Variants in ANK3 observed in about 807,000 individuals in gnomAD.
ANK3 encodes the protein ankyrin 3, also known as ankyrin-3.
In ANK3, 57 loss-of-function variants were observed where a neutral mutation model predicts 370.9. That is an observed-to-expected ratio of 0.15 (90% confidence interval 0.12 to 0.19). The LOEUF is 0.19. ANK3 is among the 10% of genes least tolerant of loss of function. The pLI is 1.00. For synonymous variants in ANK3, 1,929 were observed against 1,946.3 expected (o/e 0.99, Z 0.23); for missense variants, 4,439 against 5,302.1 (o/e 0.84, Z 5.06).
intron 35 of ANK3, among the ~76,000 whole-genome samples, chr10:60,081,204 C>T (rs962097095): frequency 2.0e-5 from 3 of 152,288 alleles, no homozygotes; most frequent in East Asian, 3.9e-4. Context: ...TCTGCCTCAG[C>T]CTCCTGAGTA....
Position 60,086,739 on chromosome 10 carries a change from C to T in ANK3, c.3686G>A (p.Gly1229Asp), listed in dbSNP as rs780905602. 6 of 1,613,732 alleles carry T rather than the reference C, an allele frequency of 3.7e-6. No homozygotes were observed. Among genetic ancestry groups the T allele is most frequent in the South Asian group, 3.3e-5 (3 of 91,066 alleles). ...TIPVPPPSGE[G>D]VSNGYKGDTT... is the part of the protein sequence containing the mutation. ...GTCCCCTTTGTATCCATTGGATACACCTTCTCCTGAGGGCGGGGGCACCGG... is the reference window on the plus strand; with the variant it reads ...GTCCCCTTTGTATCCATTGGATACATCTTCTCCTGAGGGCGGGGGCACCGG... Residue 1229 changes from glycine (G) to aspartate (D), a missense_variant, in exon 30 of 44, where the codon GGT becomes GAT. Physicochemically the swap from Gly to Asp is moderately conservative, Grantham distance 94. This residue lies in a region of ANK3 where 702 missense variants were observed against 941.5 expected (regional missense o/e 0.75). Coordinates refer to ENST00000280772, the MANE Select transcript of ANK3 (RefSeq NM_020987.5).
At chr10:60,229,810 G>C (rs2097213590) in intron 8 of ANK3, among the ~76,000 whole-genome samples, 1 of 152,120 alleles carries the variant, frequency 6.6e-6, no homozygotes. Context: ...ACACTTATTA[G>C]GCATTTAATA....
At position 60,508,855 on chromosome 10, in the gene ANK3, AT is replaced by A. The variant is rs773389166; in HGVS notation, c.96+106330del. 2.6e-5 allele frequency among the ~76,000 whole-genome samples: 4 copies of A among 152,264 alleles called. No individual in the cohort carries two copies. In the East Asian group the frequency reaches 5.8e-4, roughly 22 times the overall value. ...AGTTAATTAGATGCAGAAGTAGAAT[AT>A]TTTCTTTATGGTGAGTTCATAAACA... On this transcript the variant is annotated intron_variant, in intron 2 of 43. Transcript: ENST00000373827.
chr10:60,039,772 G>GTT (rs770834526), intron 43 of ANK3, among the ~76,000 whole-genome samples: 5 of 151,978 alleles, frequency 3.3e-5, no homozygotes, highest in Non-Finnish European at 7.4e-5. Flanking sequence ...ATTTCCTAAG[G>GTT]TTATATATAT....
chr10:60,380,579 C>T (rs1167884390), intron 1 of ANK3, among the ~76,000 whole-genome samples: 4 of 152,214 alleles, frequency 2.6e-5, no homozygotes, highest in South Asian at 2.1e-4. Flanking sequence ...CAATGATCTA[C>T]GTCATGCATG....
At chr10:60,377,258 C>T (rs1268538641) in intron 1 of ANK3, among the ~76,000 whole-genome samples, 1 of 152,198 alleles carries the variant, frequency 6.6e-6, no homozygotes, top group African/African-American at 2.4e-5. Flanking sequence ...CTGTCTCCTT[C>T]ACCCCTAACC....
chr10:60,497,579 AT>A (rs1218549384), intron 2 of ANK3, among the ~76,000 whole-genome samples: 1 of 152,190 alleles, frequency 6.6e-6, no homozygotes, highest in African/African-American at 2.4e-5. Context: ...TTTTGTTTTT[AT>A]TACATTTTGG....
intron 2 of ANK3, among the ~76,000 whole-genome samples, chr10:60,410,857 T>C (rs2132928670): frequency 6.6e-6 from 1 of 151,918 alleles, no homozygotes; most frequent in Non-Finnish European, 1.5e-5. Flanking sequence ...TTTTTTGCAG[T>C]GACAAGGTCT....
chr10:60,672,362 T>C (rs2079072917), intron 1 of ANK3, among the ~76,000 whole-genome samples: 1 of 152,176 alleles, frequency 6.6e-6, no homozygotes, highest in Admixed American at 6.5e-5. Context: ...GACCAGGCCA[T>C]GATTAGAAGC....
chr10:60,102,085 C>T (rs1000332067), intron 28 of ANK3, among the ~76,000 whole-genome samples: 1 of 151,056 alleles, frequency 6.6e-6, no homozygotes, highest in Non-Finnish European at 1.5e-5. Flanking sequence ...ATGACCAGGG[C>T]TTTTACTAGC....
chr10:60,733,396 G>T, exon 1 of ANK3: 1 of 1,191,790 alleles, frequency 8.4e-7, no homozygotes. Flanking sequence ...GCCTCCAAAC[G>T]TGGGACTTCT....
chr10:60,401,933 G>T (rs894771587), intron 2 of ANK3, among the ~76,000 whole-genome samples: 2 of 152,196 alleles, frequency 1.3e-5, no homozygotes, highest in Admixed American at 6.5e-5. Context: ...ATACTGAAGA[G>T]ACTGGTGGAA....
chr10:60,104,719 C>T (rs955198667), intron 28 of ANK3, among the ~76,000 whole-genome samples: 8 of 152,090 alleles, frequency 5.3e-5, no homozygotes, highest in African/African-American at 7.2e-5. Context: ...TGGTTGGTGG[C>T]GATTGTGTCT....
At chr10:60,342,984 T>C (rs1038094794) in intron 1 of ANK3, among the ~76,000 whole-genome samples, 10 of 152,172 alleles carry the variant, frequency 6.6e-5, no homozygotes, top group Admixed American at 2.6e-4. Context: ...GCCATGTTTT[T>C]CCTTAAAAAC....
chr10:60,105,868 G>A lies in ANK3; in HGVS notation c.3328+37C>T, dbSNP rs568371915. Reference sequence around the variant, plus strand: ...CTAGTCATTCCTTTAATTTCTGCCTGCAGACATTTACAGAACCAAGGAGCC... The same window carrying A: ...CTAGTCATTCCTTTAATTTCTGCCTACAGACATTTACAGAACCAAGGAGCC... On this transcript the variant is annotated intron_variant, in intron 28 of 43. Coordinates refer to ENST00000280772, the MANE Select transcript of ANK3 (RefSeq NM_020987.5). 2.9e-5 allele frequency: 45 copies of A among 1,547,174 alleles called. No individual in the cohort carries two copies. The Admixed American group carries it at 6.2e-4, about 21-fold the overall frequency.
intron 38 of ANK3, among the ~76,000 whole-genome samples, chr10:60,065,309 G>T (rs185828996): frequency 5.6e-4 from 85 of 152,292 alleles, no homozygotes; most frequent in Non-Finnish European, 9.3e-4. Flanking sequence ...TCAGAGAAGG[G>T]AAGGAGACTT....
chr10:60,661,392 C>G (rs556936108), intron 1 of ANK3, among the ~76,000 whole-genome samples: 31 of 152,176 alleles, frequency 2.0e-4, no homozygotes, highest in Non-Finnish European at 5.9e-5. Flanking sequence ...TTTCCCTCTA[C>G]CAAGGTAATG....
intron 1 of ANK3, among the ~76,000 whole-genome samples, chr10:60,732,422 A>C (rs1390935908): frequency 6.6e-6 from 1 of 152,242 alleles, no homozygotes; most frequent in Non-Finnish European, 1.5e-5. Flanking sequence ...AAAGGTGGCA[A>C]TCTGCTGAGG....
chr10:60,092,285 T>C (rs2088752825), intron 28 of ANK3, among the ~76,000 whole-genome samples: 1 of 152,224 alleles, frequency 6.6e-6, no homozygotes, highest in Admixed American at 6.5e-5. Context: ...AGACCTCCGA[T>C]ACATACTGCA....
Sources: gnomAD v4.1 joint callset for allele counts (sites outside exome capture counted in the v4.1 genomes callset) on GRCh38, gnomAD v4.1.1 for gene constraint, gnomAD v4.1.1 regional missense constraint, MANE v1.5 for transcripts, NCBI Gene and HGNC (gene_info 2026-07-23, HGNC 2026-07-21) for gene names.